VSTM4: variants seen among roughly 807,000 people sequenced by gnomAD.
VSTM4 encodes the protein V-set and transmembrane domain containing 4, also known as V-set and transmembrane domain-containing protein 4.
Under a neutral mutation model 36.4 loss-of-function variants are expected in VSTM4, and 20 were observed. The observed-to-expected ratio is 0.55, with a 90% confidence interval of 0.39 to 0.80. VSTM4 has a LOEUF of 0.80. Among genes scored for constraint, VSTM4 ranks in the 30% least tolerant of loss-of-function variants. The probability of loss-of-function intolerance (pLI) is 0.00; values close to 1 mark genes in which losing one functional copy is unlikely to be tolerated. For synonymous variants in VSTM4, 182 were observed against 173.9 expected, an observed-to-expected ratio of 1.05 and a Z score of -0.37; for missense variants, 392 against 404.5, an observed-to-expected ratio of 0.97 and a Z score of 0.26.
At chr10:49,036,532 T>C (rs868259840) in intron 7 of VSTM4, among the ~76,000 whole-genome samples, 27 of 152,234 alleles carry the variant, frequency 1.8e-4, no homozygotes, top group African/African-American at 5.8e-4. Flanking sequence ...AGAGAAATTC[T>C]CTGGCTTATT....
At chr10:49,034,722 A>AT (rs894621347) in intron 7 of VSTM4, among the ~76,000 whole-genome samples, 21 of 150,548 alleles carry the variant, frequency 1.4e-4, no homozygotes, top group East Asian at 3.9e-4. Flanking sequence ...TTTCTTTATT[A>AT]TTTTTTTTTG....
At chr10:49,112,332 CT>C (rs960780304) in intron 1 of VSTM4, among the ~76,000 whole-genome samples, 1 of 152,214 alleles carries the variant, frequency 6.6e-6, no homozygotes, top group Non-Finnish European at 1.5e-5. Context: ...GGTCCCAGGC[CT>C]TCTCTGGTAG....
intron 2 of VSTM4, chr10:49,102,688 G>A (rs1844690728): frequency 6.1e-6 from 6 of 985,410 alleles, no homozygotes; most frequent in Non-Finnish European, 7.2e-6. Flanking sequence ...CCCAGAGAGG[G>A]TGACTACATC....
At chr10:49,051,390 C>CTTTTTTT (rs796786621) in intron 5 of VSTM4, among the ~76,000 whole-genome samples, 37 of 130,788 alleles carry the variant, frequency 2.8e-4, no homozygotes, top group South Asian at 7.4e-4. Flanking sequence ...CAGCTCATTT[C>CTTTTTTT]TTTTTTTTTT....
intron 2 of VSTM4, among the ~76,000 whole-genome samples, chr10:49,087,814 C>T (rs1442456298): frequency 6.6e-6 from 1 of 151,554 alleles, no homozygotes; most frequent in East Asian, 1.9e-4. Context: ...CACTTTGCTG[C>T]TTTTCTCTGT....
intron 7 of VSTM4, among the ~76,000 whole-genome samples, chr10:49,024,088 C>T (rs145881000): frequency 3.9e-4 from 60 of 152,318 alleles, no homozygotes; most frequent in Non-Finnish European, 7.8e-4. Context: ...AGAAGCAACT[C>T]GGCCATTTCC....
rs773183645 is a variant in VSTM4, at chr10:49,107,889, C to T, written c.162G>A (p.Lys54=). Reference sequence around the variant, plus strand: ...ACCAGCGCACGGCCAGCAAGCTGTCCTTCCGCCTTTTCTGGGAGACGTGGC... The same window carrying T: ...ACCAGCGCACGGCCAGCAAGCTGTCTTTCCGCCTTTTCTGGGAGACGTGGC... ...LLCHVSQKRR[K]DSLLAVRWFF... The change falls in exon 2 of 8, where the codon AAG becomes AAA. Residue 54 remains lysine (K), a synonymous_variant. Coordinates refer to ENST00000332853, the MANE Select transcript of VSTM4 (RefSeq NM_001031746.5). The T allele has an allele frequency of 6.8e-6, 11 of 1,614,110 alleles. No individual in the cohort carries two copies. The Admixed American group carries it at 1.8e-4, about 27-fold the overall frequency.
chr10:49,024,474 G>T (rs1368406398), intron 7 of VSTM4, among the ~76,000 whole-genome samples: 1 of 152,196 alleles, frequency 6.6e-6, no homozygotes, highest in Non-Finnish European at 1.5e-5. Flanking sequence ...GAGGTGAGGA[G>T]AGTGGCTGAG....
At chr10:49,093,216 C>T (rs1449671121) in intron 2 of VSTM4, among the ~76,000 whole-genome samples, 2 of 152,128 alleles carry the variant, frequency 1.3e-5, no homozygotes, top group Admixed American at 1.3e-4. Flanking sequence ...CACATGCCCA[C>T]TGGGGCTTCA....
chr10:49,020,259 T>C (rs934360291), intron 7 of VSTM4, among the ~76,000 whole-genome samples: 4 of 152,202 alleles, frequency 2.6e-5, no homozygotes, highest in Non-Finnish European at 4.4e-5. Context: ...AAATATTCCT[T>C]GCCAAAACCT....
intron 7 of VSTM4, among the ~76,000 whole-genome samples, chr10:49,039,131 G>C (rs1299751982): frequency 6.6e-6 from 1 of 152,162 alleles, no homozygotes; most frequent in Non-Finnish European, 1.5e-5. Flanking sequence ...CCAGAGAAGT[G>C]GGGGGCAGAG....
intron 7 of VSTM4, among the ~76,000 whole-genome samples, chr10:49,023,507 A>T (rs928124794): frequency 6.6e-6 from 1 of 152,216 alleles, no homozygotes; most frequent in Middle Eastern, 3.2e-3. Flanking sequence ...AAACTAAAAA[A>T]CTGGTGGTAA....
chr10:49,056,577 C>T (rs1052228427), intron 5 of VSTM4, among the ~76,000 whole-genome samples: 1 of 152,240 alleles, frequency 6.6e-6, no homozygotes, highest in Admixed American at 6.5e-5. Flanking sequence ...CCCCTGCTGG[C>T]ACCTGTCCCT....
At chr10:49,046,777 T>G (rs1288013862) in intron 7 of VSTM4, among the ~76,000 whole-genome samples, 1 of 152,200 alleles carries the variant, frequency 6.6e-6, no homozygotes, top group African/African-American at 2.4e-5. Flanking sequence ...TATAAACTAT[T>G]TGGATTTTTA....
intron 2 of VSTM4, among the ~76,000 whole-genome samples, chr10:49,092,265 T>C (rs1250179604): frequency 1.3e-5 from 2 of 152,060 alleles, no homozygotes; most frequent in Non-Finnish European, 2.9e-5. Context: ...GAAGAGGGAG[T>C]TCACCTCTCA....
chr10:49,107,260 GACCAGGGTCCAGCTT>G, intron 2 of VSTM4, among the ~76,000 whole-genome samples: 2 of 152,162 alleles, frequency 1.3e-5, no homozygotes, highest in Non-Finnish European at 2.9e-5. Flanking sequence ...TGACCCCTTT[GACCAGGGTCCAGCTT>G]TGTTTACCTT....
At chr10:49,033,638 A>G (rs984041767) in intron 7 of VSTM4, among the ~76,000 whole-genome samples, 1 of 152,250 alleles carries the variant, frequency 6.6e-6, no homozygotes, top group Non-Finnish European at 1.5e-5. Flanking sequence ...AAAAGGCATC[A>G]GAGCTCAGAG....
At chr10:49,053,611 C>A (rs1843731662) in intron 5 of VSTM4, among the ~76,000 whole-genome samples, 1 of 152,192 alleles carries the variant, frequency 6.6e-6, no homozygotes, top group South Asian at 2.1e-4. Context: ...TAGCAACTGA[C>A]CCTAGTCTCC....
chr10:49,036,000 G>A (rs1402888865), intron 7 of VSTM4, among the ~76,000 whole-genome samples: 1 of 152,180 alleles, frequency 6.6e-6, no homozygotes, highest in African/African-American at 2.4e-5. Flanking sequence ...AGGCAGTAGA[G>A]GGGCCTTGGC....
Sources: allele counts gnomAD v4.1 joint callset (sites outside exome capture counted in the v4.1 genomes callset), GRCh38; gene constraint gnomAD v4.1.1; transcripts MANE v1.5; gene names NCBI Gene and HGNC (gene_info 2026-07-23, HGNC 2026-07-21).